Variants in FARS2 observed in about 807,000 individuals in gnomAD.
FARS2 encodes the protein phenylalanyl-tRNA synthetase 2, mitochondrial.
Under a neutral mutation model 46.4 loss-of-function variants are expected in FARS2, and 40 were observed. The observed-to-expected ratio is 0.86, with a 90% confidence interval of 0.67 to 1.12. FARS2 has a LOEUF of 1.12. Ranked by LOEUF, FARS2 falls within the 50% of genes most tolerant of loss-of-function variation. FARS2 has a pLI of 0.00. For synonymous variants in FARS2, 234 were observed against 214.9 expected (o/e 1.09, Z -0.78); for missense variants, 513 against 567.9 (o/e 0.90, Z 0.98).
At chr6:5,286,499 T>C (rs376698740) in intron 1 of FARS2, among the ~76,000 whole-genome samples, 1 of 152,128 alleles carries the variant, frequency 6.6e-6, no homozygotes, top group Non-Finnish European at 1.5e-5. Context: ...GCTGAAGTGA[T>C]TTGCCTGCCT....
intron 3 of FARS2, among the ~76,000 whole-genome samples, chr6:5,421,997 G>T (rs1156751645): frequency 6.6e-6 from 1 of 152,150 alleles, no homozygotes; most frequent in Non-Finnish European, 1.5e-5. Flanking sequence ...TACTGTATTA[G>T]TTTGTTTTCA....
chr6:5,649,315 C>A (rs568028544), intron 6 of FARS2, among the ~76,000 whole-genome samples: 11 of 152,238 alleles, frequency 7.2e-5, no homozygotes, highest in African/African-American at 2.6e-4. Flanking sequence ...ATAAATAGAT[C>A]ATTTATCTCC....
rs1373864025 is a variant in FARS2 at position 5,328,949 on chromosome 6, C to T, written c.-21-39601C>T. Among the ~76,000 whole-genome samples, 3 of 152,004 alleles carry T rather than the reference C, an allele frequency of 2.0e-5. No homozygotes were observed. In the East Asian group the frequency reaches 5.8e-4, roughly 29 times the overall value. The stretch of plus-strand genomic sequence containing the variant: ...CCAGACATGACCTTGTAAATCTTTG[C>T]CGGAGGTAAAGGATTAGCGTGGCTG... On this transcript the variant is annotated intron_variant, in intron 1 of 6. Coordinates refer to ENST00000274680, the MANE Select transcript of FARS2 (RefSeq NM_006567.5).
At chr6:5,558,956 T>C (rs1231162248) in intron 5 of FARS2, among the ~76,000 whole-genome samples, 1 of 152,094 alleles carries the variant, frequency 6.6e-6, no homozygotes, top group Non-Finnish European at 1.5e-5. Flanking sequence ...TGAGAAGCGA[T>C]TTTGCATCTA....
intron 6 of FARS2, among the ~76,000 whole-genome samples, chr6:5,752,292 AT>A (rs1761992873): frequency 6.6e-6 from 1 of 152,160 alleles, no homozygotes; most frequent in African/African-American, 2.4e-5. Flanking sequence ...GGTCTGTTAG[AT>A]TTTAATTACT....
chr6:5,766,700 A>T (rs1479571972), intron 6 of FARS2, among the ~76,000 whole-genome samples: 1 of 152,196 alleles, frequency 6.6e-6, no homozygotes, highest in Non-Finnish European at 1.5e-5. Flanking sequence ...ACCATTTTTT[A>T]AAGTGTACAA....
intron 1 of FARS2, among the ~76,000 whole-genome samples, chr6:5,367,322 G>A (rs753585095): frequency 8.5e-5 from 13 of 152,114 alleles, no homozygotes; most frequent in Non-Finnish European, 1.6e-4. Flanking sequence ...AAAATAGCCC[G>A]GTAGGGAAGA....
At chr6:5,701,221 C>T (rs943492434) in intron 6 of FARS2, among the ~76,000 whole-genome samples, 3 of 152,250 alleles carry the variant, frequency 2.0e-5, no homozygotes, top group South Asian at 2.1e-4. Flanking sequence ...GGGCTCTGCC[C>T]CTAGCAGCCC....
chr6:5,359,089 G>A (rs1758135582), intron 1 of FARS2, among the ~76,000 whole-genome samples: 1 of 135,852 alleles, frequency 7.4e-6, no homozygotes, highest in South Asian at 2.3e-4. Flanking sequence ...ACCCAGGCTG[G>A]AGTGCAGTGG....
In FARS2 at chr6:5,737,621, C is replaced by T. The variant is rs374871183; in HGVS notation, c.1218-33670C>T. 5.9e-5 allele frequency among the ~76,000 whole-genome samples: 9 copies of T among 152,328 alleles called. No individual in the cohort carries two copies. The East Asian group carries it at 7.7e-4, about 13-fold the overall frequency. ...TGGCAGATGGCATTGGTCAGCTGAC[C>T]TAGCCTGCATGCATAACTTCCCCAT... On this transcript the variant is annotated intron_variant, in intron 6 of 6. Coordinates refer to ENST00000274680, the MANE Select transcript of FARS2 (RefSeq NM_006567.5).
intron 6 of FARS2, among the ~76,000 whole-genome samples, chr6:5,738,409 G>C (rs1411189647): frequency 2.6e-5 from 4 of 152,188 alleles, no homozygotes; most frequent in Non-Finnish European, 4.4e-5. Context: ...GAATAGAACA[G>C]GTTCTTTCAG....
At chr6:5,552,932 C>T (rs767364955) in intron 5 of FARS2, among the ~76,000 whole-genome samples, 11 of 152,122 alleles carry the variant, frequency 7.2e-5, no homozygotes, top group Admixed American at 3.9e-4. Context: ...ACTGAATATT[C>T]AATAATAAAA....
rs188506714 is a variant in FARS2, at chr6:5,551,516, T to G, written c.1065+6176T>G. On this transcript the variant is annotated intron_variant, in intron 5 of 6. Transcript: ENST00000274680. ...ACTACCCACTGACCAATTCCAAGGC[T>G]AATTCCACATTTTTATGTATTTGTT... Among the ~76,000 whole-genome samples, 417 of 152,358 alleles carry G rather than the reference T, an allele frequency of 2.7e-3. 2 individuals are homozygous for G. The highest frequency in any genetic ancestry group is 4.5e-3 in the Non-Finnish European group (305 of 68,032).
At chr6:5,397,635 A>G (rs1348624739) in intron 2 of FARS2, among the ~76,000 whole-genome samples, 2 of 152,240 alleles carry the variant, frequency 1.3e-5, no homozygotes, top group Non-Finnish European at 2.9e-5. Context: ...AAAAAAAGAG[A>G]CTATGCCGAA....
intron 4 of FARS2, among the ~76,000 whole-genome samples, chr6:5,473,569 C>A (rs1765940281): frequency 6.6e-6 from 1 of 150,782 alleles, no homozygotes; most frequent in Admixed American, 6.6e-5. Context: ...AAAAGAATAC[C>A]CTGCTCCTGA....
intron 6 of FARS2, among the ~76,000 whole-genome samples, chr6:5,749,476 C>T (rs1761825558): frequency 6.6e-6 from 1 of 152,188 alleles, no homozygotes; most frequent in African/African-American, 2.4e-5. Flanking sequence ...CCAGGGGCTT[C>T]TGTGTCACCT....
chr6:5,556,972 T>A (rs1050574893), intron 5 of FARS2, among the ~76,000 whole-genome samples: 2 of 152,176 alleles, frequency 1.3e-5, no homozygotes, highest in Non-Finnish European at 1.5e-5. Context: ...ATCAGAGGGA[T>A]ACTTTTATAC....
At chr6:5,547,693 T>C (rs1352173783) in intron 5 of FARS2, among the ~76,000 whole-genome samples, 1 of 152,202 alleles carries the variant, frequency 6.6e-6, no homozygotes, top group Non-Finnish European at 1.5e-5. Flanking sequence ...CAGTGAGGGT[T>C]AGCTCTGTTT....
At chr6:5,374,786 T>C (rs773284452) in intron 2 of FARS2, among the ~76,000 whole-genome samples, 1 of 152,106 alleles carries the variant, frequency 6.6e-6, no homozygotes, top group African/African-American at 2.4e-5. Context: ...TTGTACTGTA[T>C]TAACTGATAT....
Sources: gnomAD v4.1 joint callset for allele counts (sites outside exome capture counted in the v4.1 genomes callset) on GRCh38, gnomAD v4.1.1 for gene constraint, MANE v1.5 for transcripts, NCBI Gene and HGNC (gene_info 2026-07-23, HGNC 2026-07-21) for gene names.